EPHB4: variants seen among roughly 807,000 people sequenced by gnomAD.
EPHB4 encodes the protein EPH receptor B4, also known as ephrin type-B receptor 4.
A neutral mutation model predicts 110.6 loss-of-function variants in EPHB4; 50 were observed. That is an observed-to-expected ratio of 0.45 (90% CI 0.36 to 0.57). The LOEUF (loss-of-function observed/expected upper bound fraction) is 0.57. EPHB4 is among the 20% of genes least tolerant of loss of function. The probability of loss-of-function intolerance (pLI) is 0.00; values close to 1 mark genes in which losing one functional copy is unlikely to be tolerated. For missense variants in EPHB4, 1,128 were observed against 1,382.1 expected, an observed-to-expected ratio of 0.82 and a Z score of 2.91; for synonymous variants, 592 against 578.4, an observed-to-expected ratio of 1.02 and a Z score of -0.34.
intron 10 of EPHB4, 120 bp from the exon 11 acceptor site, chr7:100,813,328 T>TTC (rs2116433385): frequency 1.2e-6 from 1 of 806,104 alleles, no homozygotes; most frequent in East Asian, 2.8e-5. Context: ...TTTTTTTTTT[T>TTC]TCCTGAGATG....
chr7:100,823,866 C>A lies in EPHB4; in HGVS notation c.189G>T (p.Val63=). 1 of 1,612,132 alleles carries A rather than the reference C, an allele frequency of 6.2e-7. No homozygotes were observed. The highest frequency in any genetic ancestry group is 8.5e-7 in the Non-Finnish European group (1 of 1,179,444). ...AGTGGGCCTGGCCCGGGGCACGCTG[C>A]ACGTCACACACTTCGTAGGTGCGCA... is the stretch of plus-strand genomic sequence containing the variant. The part of the protein sequence containing the change: ...HSVRTYEVCD[V]QRAPGQAHWL... Residue 63 remains valine, a synonymous_variant, in exon 3 of 17, where the codon GTG becomes GTT. Coordinates refer to ENST00000358173, the MANE Select transcript of EPHB4 (RefSeq NM_004444.5).
intron 1 of EPHB4, among the ~76,000 whole-genome samples, chr7:100,826,567 A>T (rs1458149849): frequency 6.6e-6 from 1 of 152,118 alleles, no homozygotes; most frequent in Non-Finnish European, 1.5e-5. Context: ...GCCTAGCACG[A>T]AAAGTTGTGC....
chr7:100,818,270 G>T (rs1813131426), intron 7 of EPHB4, among the ~76,000 whole-genome samples: 1 of 152,174 alleles, frequency 6.6e-6, no homozygotes, highest in Non-Finnish European at 1.5e-5. Context: ...CAAAGTGCTT[G>T]GTATTACAGG....
chr7:100,813,306 GTTTTTTTT>G, intron 10 of EPHB4, 98 bp from the exon 11 acceptor site: 4 of 385,616 alleles, frequency 1.0e-5, no homozygotes, highest in East Asian at 5.7e-5. Context: ...TGTCTCCGTG[GTTTTTTTT>G]TTTTTTTTTT....
At chr7:100,805,925 T>G (rs1413480211) in intron 14 of EPHB4, 1 of 424,936 alleles carries the variant, frequency 2.4e-6, no homozygotes, top group African/African-American at 2.0e-5. Context: ...CCTCCATCTC[T>G]GCATCCTTCT....
intron 12 of EPHB4, among the ~76,000 whole-genome samples, chr7:100,808,377 C>T (rs1442787390): frequency 2.0e-5 from 3 of 152,106 alleles, no homozygotes; most frequent in Non-Finnish European, 4.4e-5. Flanking sequence ...CACCACTGCA[C>T]CTGGCTAATT....
chr7:100,823,569 C>A, intron 3 of EPHB4, 75 bp downstream of exon 3: 2 of 1,552,320 alleles, frequency 1.3e-6, no homozygotes, highest in South Asian at 1.2e-5. Flanking sequence ...ACTACATCGG[C>A]TGCCCTCCAG....
intron 3 of EPHB4, among the ~76,000 whole-genome samples, chr7:100,823,432 C>T (rs1813289279): frequency 6.6e-6 from 1 of 152,152 alleles, no homozygotes; most frequent in Admixed American, 6.5e-5. Context: ...GACCCTTGGG[C>T]CTCCCTGGGG....
Position 100,818,634 on chromosome 7 carries a change from T to C in EPHB4, c.1308A>G (p.Ala436=). The C allele has an allele frequency of 6.2e-7, 1 of 1,609,936 alleles. No individual in the cohort carries two copies. The highest frequency in any genetic ancestry group is 8.5e-7 in the Non-Finnish European group (1 of 1,179,800). ...ACCGCGTCACCCGGATGTCAGACAC[T>C]GCAGGAGGTACTGTGAGAGGCAGAG... ...NVTTDREVPP[A]VSDIRVTRSS... The change falls in exon 7 of 17, where the codon GCA becomes GCG. Residue 436 remains alanine, a synonymous_variant. Coordinates refer to ENST00000358173, the MANE Select transcript of EPHB4 (RefSeq NM_004444.5).
At chr7:100,804,698 G>C (rs144129833) in intron 16 of EPHB4, among the ~76,000 whole-genome samples, 1,560 of 152,174 alleles carry the variant, frequency 0.01, 21 homozygotes, top group African/African-American at 0.036. Flanking sequence ...GCAGAAAGGG[G>C]GAGTAGCAGA....
rs35638378 is a variant in EPHB4 at position 100,805,509 on chromosome 7, C to T, written c.2670G>A (p.Glu890=). 1 of 1,521,624 alleles carries T rather than the reference C, an allele frequency of 6.6e-7. No individual in the cohort carries two copies. Among genetic ancestry groups the T allele is most frequent in the Non-Finnish European group, 8.8e-7 (1 of 1,134,396 alleles). The allele number at this position is 1,521,624 out of a possible 1,614,324, so 94.3% of individuals were successfully genotyped here. Reference sequence around the variant, plus strand: ...TTCTCTGCAGTCCTCACCCGCCATTCTCCCGGGCCACGATTTTGAGGCTGG... The same window carrying T: ...TTCTCTGCAGTCCTCACCCGCCATTTTCCCGGGCCACGATTTTGAGGCTGG... The part of the protein sequence containing the change: ...NPASLKIVAR[E]NGGASHPLLD... Residue 890 remains glutamate (E), a synonymous_variant, in exon 15 of 17, where the codon GAG becomes GAA. Transcript: ENST00000358173.
intron 16 of EPHB4, among the ~76,000 whole-genome samples, chr7:100,803,791 T>C (rs1812753468): frequency 6.6e-6 from 1 of 150,722 alleles, no homozygotes; most frequent in African/African-American, 2.4e-5. Context: ...CAGAAGGGGG[T>C]AGGGCTGGAG....
intron 10 of EPHB4, 148 bp downstream of exon 10, chr7:100,813,504 T>C (rs896318025): frequency 1.2e-5 from 10 of 815,556 alleles, no homozygotes; most frequent in Admixed American, 4.6e-5. Context: ...TTTATAGAGA[T>C]GGAGTTTCAA....
chr7:100,824,096 T>G, intron 2 of EPHB4, 107 bp downstream of exon 2: 1 of 1,554,196 alleles, frequency 6.4e-7, no homozygotes, highest in Non-Finnish European at 8.8e-7. Context: ...GCTGCTGTCA[T>G]CTGGGGGGAC....
chr7:100,803,495 G>T lies in EPHB4; in HGVS notation c.2930C>A (p.Pro977Gln). The T allele has an allele frequency of 6.3e-7, 1 of 1,584,708 alleles. No individual in the cohort carries two copies. Residue 977 changes from proline to glutamine, a missense_variant, in exon 17 of 17, where the codon CCG becomes CAG. Pro to Gln is a moderately conservative substitution (Grantham distance 76). This residue lies in a region of EPHB4 where 209 missense variants were observed against 240.5 expected (regional missense o/e 0.87). Coordinates refer to ENST00000358173, the MANE Select transcript of EPHB4 (RefSeq NM_004444.5). ...HMKSQAKPGTPGGTGGPAPQY is the reference protein window; with the variant it reads ...HMKSQAKPGTQGGTGGPAPQY ...CGGGGCCGGTCCTCCTGTCCCACCCGGGGTTCCCGGCTTGGCCTGGGACTT... is the reference window on the plus strand; with the variant it reads ...CGGGGCCGGTCCTCCTGTCCCACCCTGGGTTCCCGGCTTGGCCTGGGACTT...
chr7:100,822,326 C>T lies in EPHB4; in HGVS notation c.753G>A (p.Thr251=), dbSNP rs767523131. 54 of 1,567,544 alleles carry T rather than the reference C, an allele frequency of 3.4e-5. No individual in the cohort carries two copies. The highest frequency in any genetic ancestry group is 1.6e-4 in the South Asian group (14 of 86,076). Residue 251 remains threonine (T), a synonymous_variant, in exon 4 of 17, where the codon ACG becomes ACA. Coordinates refer to ENST00000358173, the MANE Select transcript of EPHB4 (RefSeq NM_004444.5). This position sits in a 1 kb window ranked among gnomAD's most constrained non-coding sequence, Gnocchi z 4.7. The part of the protein sequence containing the change: ...EDGQWAEQPV[T]GCSCAPGFEA... ...CGAACCCCGGAGCACAGCTGCAGCC[C>T]GTGACCGGCTGTTCGGCCCACTGGC...
chr7:100,809,274 T>C lies in EPHB4; in HGVS notation c.2119-1694A>G, dbSNP rs528784850. The stretch of plus-strand genomic sequence containing the variant: ...GGGGTGCACCACCATGCCTGGCTGG[T>C]TTTTGTATTTTTAGTACAGACAGGG... On this transcript the variant is annotated intron_variant, in intron 12 of 16. Coordinates refer to ENST00000358173, the MANE Select transcript of EPHB4 (RefSeq NM_004444.5). Among the ~76,000 whole-genome samples the C allele has an allele frequency of 3.9e-5, 6 of 152,040 alleles. No individual in the cohort carries two copies. The East Asian group carries it at 1.2e-3, about 30-fold the overall frequency.
Position 100,807,603 on chromosome 7 carries a change from G to T in EPHB4, c.2119-23C>A, listed in dbSNP as rs565109781. 4.9e-5 allele frequency: 78 copies of T among 1,607,180 alleles called. 2 individuals carry two copies. In the Admixed American group the frequency reaches 1.3e-3, roughly 27 times the overall value. ...TAGCTGGAGAGCAGATAGGGTGGGG[G>T]CTTGGTGAGGACAGCCCACCCACCG... On this transcript the variant is annotated intron_variant, in intron 12 of 16. Transcript: ENST00000358173.
intron 8 of EPHB4, among the ~76,000 whole-genome samples, chr7:100,816,046 C>G (rs542598043): frequency 6.6e-6 from 1 of 151,212 alleles, no homozygotes; most frequent in Non-Finnish European, 1.5e-5. Context: ...CCCAGCATTT[C>G]GGGAAGCCGA....
Sources: allele counts gnomAD v4.1 joint callset (sites outside exome capture counted in the v4.1 genomes callset), GRCh38; gene constraint gnomAD v4.1.1; regional missense constraint gnomAD v4.1.1; non-coding constraint Gnocchi (gnomAD v3.1); transcripts MANE v1.5; gene names NCBI Gene and HGNC (gene_info 2026-07-23, HGNC 2026-07-21).